EPB41: variants seen among roughly 807,000 people sequenced by gnomAD.
EPB41 encodes protein 4.1.
In EPB41, 65 loss-of-function variants were observed where a neutral mutation model predicts 108.0. That is an observed-to-expected ratio of 0.60 (90% confidence interval 0.49 to 0.74). EPB41 has a LOEUF of 0.74. Among genes scored for constraint, EPB41 ranks in the 30% least tolerant of loss-of-function variants. The pLI, the probability that EPB41 is intolerant of heterozygous loss-of-function variation, is 0.00. For synonymous variants in EPB41, 336 were observed against 358.9 expected (o/e 0.94, Z 0.72); for missense variants, 875 against 1,037.0 (o/e 0.84, Z 2.15).
intron 1 of EPB41, among the ~76,000 whole-genome samples, chr1:28,948,787 A>G (rs914314359): frequency 1.3e-5 from 2 of 151,594 alleles, no homozygotes; most frequent in Non-Finnish European, 2.9e-5. Context: ...TGTCTCTACT[A>G]AAAATACAAA....
At chr1:29,045,719 T>C (rs1466829684) in intron 11 of EPB41, among the ~76,000 whole-genome samples, 1 of 146,988 alleles carries the variant, frequency 6.8e-6, no homozygotes, top group Non-Finnish European at 1.5e-5. Context: ...ATGCCTATAA[T>C]CCCAGTACTT....
intron 1 of EPB41, among the ~76,000 whole-genome samples, chr1:28,972,110 A>G (rs546698737): frequency 1.3e-5 from 2 of 152,202 alleles, no homozygotes; most frequent in Non-Finnish European, 2.9e-5. Flanking sequence ...CTTTGTAGAG[A>G]TAAGGTTTCA....
At chr1:29,107,559 ATTAG>A (rs1314851322) in intron 17 of EPB41, among the ~76,000 whole-genome samples, 2 of 152,030 alleles carry the variant, frequency 1.3e-5, no homozygotes, top group African/African-American at 2.4e-5. Flanking sequence ...TGAAGAAAAT[ATTAG>A]TTAGCGGCTG....
chr1:28,991,121 TA>T (rs1240699309), intron 2 of EPB41, among the ~76,000 whole-genome samples: 4 of 151,192 alleles, frequency 2.6e-5, no homozygotes, highest in Admixed American at 6.6e-5. Flanking sequence ...AATAGGATTT[TA>T]TTTAAATGGT....
intron 10 of EPB41, among the ~76,000 whole-genome samples, chr1:29,036,404 C>T (rs1186634866): frequency 6.6e-6 from 1 of 150,882 alleles, no homozygotes; most frequent in Non-Finnish European, 1.5e-5. Flanking sequence ...GGATTACAGG[C>T]ACCCGCCATC....
chr1:29,093,853 C>T (rs1396035322), intron 16 of EPB41, among the ~76,000 whole-genome samples: 1 of 152,134 alleles, frequency 6.6e-6, no homozygotes, highest in Non-Finnish European at 1.5e-5. Flanking sequence ...TGCAGTGAGC[C>T]AAGATCACAC....
At chr1:28,919,184 A>C (rs2092896573) in intron 1 of EPB41, among the ~76,000 whole-genome samples, 1 of 152,224 alleles carries the variant, frequency 6.6e-6, no homozygotes, top group African/African-American at 2.4e-5. Context: ...TTATGATGAA[A>C]GTCTGTTTAT....
chr1:29,111,356 T>C (rs1669084128), intron 18 of EPB41, among the ~76,000 whole-genome samples: 1 of 151,842 alleles, frequency 6.6e-6, no homozygotes, highest in Admixed American at 6.6e-5. Flanking sequence ...TTTAGCTTAA[T>C]AAAGATTTTA....
intron 16 of EPB41, among the ~76,000 whole-genome samples, chr1:29,085,539 A>T (rs1658479965): frequency 6.6e-6 from 1 of 152,126 alleles, no homozygotes; most frequent in Non-Finnish European, 1.5e-5. Context: ...TTAAATTTGA[A>T]GTATTTCTTT....
chr1:29,053,269 A>T lies in EPB41; in HGVS notation c.1802A>T (p.Glu601Val), dbSNP rs1644823721. 2 of 1,614,086 alleles carry T rather than the reference A, an allele frequency of 1.2e-6. No individual in the cohort carries two copies. The highest frequency in any genetic ancestry group is 1.7e-5 in the Admixed American group (1 of 59,994). ...TVKAEVKKED[E>V]PPEQAEPEPT... is the part of the protein sequence containing the mutation. ...AAGGCTGAAGTGAAAAAGGAAGACG[A>T]GCCACCTGAGCAAGCTGAGCCAGAG... Residue 601 changes from glutamate to valine, a missense_variant, in exon 12 of 21, where the codon GAG becomes GTG. Physicochemically the swap from Glu to Val is moderately radical, Grantham distance 121. Around this residue, in one of 3 missense-constraint regions of EPB41, gnomAD observed 519 missense variants for 627.3 expected, o/e 0.83. Transcript: ENST00000343067.
At chr1:29,026,936 A>G (rs1263935160) in intron 7 of EPB41, among the ~76,000 whole-genome samples, 1 of 152,058 alleles carries the variant, frequency 6.6e-6, no homozygotes, top group Non-Finnish European at 1.5e-5. Context: ...TACTAAAAAT[A>G]CAAAAATTAG....
intron 12 of EPB41, chr1:29,054,005 T>C (rs1177865426): frequency 6.6e-6 from 1 of 152,296 alleles, no homozygotes; most frequent in Non-Finnish European, 1.5e-5. Flanking sequence ...TAAAATTTTA[T>C]TTTCTAAGAT....
intron 2 of EPB41, 106 bp from the exon 3 acceptor site, chr1:28,993,223 TG>T: frequency 1.1e-6 from 1 of 876,144 alleles, no homozygotes; most frequent in South Asian, 1.4e-5. Context: ...CACCTATATT[TG>T]TTTTAGTTCA....
intron 1 of EPB41, among the ~76,000 whole-genome samples, chr1:28,908,184 C>T (rs1252161086): frequency 2.0e-5 from 3 of 151,748 alleles, no homozygotes; most frequent in Admixed American, 6.6e-5. Context: ...GGCAGATCAC[C>T]TGAGGTCAGG....
intron 1 of EPB41, among the ~76,000 whole-genome samples, chr1:28,932,637 A>G (rs995892732): frequency 6.6e-6 from 1 of 151,980 alleles, no homozygotes; most frequent in African/African-American, 2.4e-5. Context: ...TTTAGACTAG[A>G]TATTCTTGTT....
intron 17 of EPB41, among the ~76,000 whole-genome samples, chr1:29,099,562 A>C (rs1425998473): frequency 6.6e-6 from 1 of 152,154 alleles, no homozygotes; most frequent in Non-Finnish European, 1.5e-5. Context: ...AGAGGATCCA[A>C]CTGTCTTGAC....
chr1:29,117,142 A>C lies in EPB41; in HGVS notation c.*330A>C, dbSNP rs1671152535. 6.6e-6 allele frequency: 1 copy of C among 152,168 alleles called. No individual in the cohort carries two copies. The highest frequency in any genetic ancestry group is 6.5e-5 in the Admixed American group (1 of 15,274). 9.4% of individuals were successfully genotyped at this position (152,168 alleles called of 1,614,324 possible). A position where few individuals can be genotyped will look rare whatever the true frequency, so the allele number is the denominator to read the frequency against. ...TCTCTGCCCATTTATTTCCAACCCC[A>C]ACAGACACTGACAGGGTCCATGGAA... On this transcript the variant is annotated 3_prime_UTR_variant, in exon 21 of 21. Transcript: ENST00000343067.
At chr1:28,950,994 C>T (rs2094697760) in intron 1 of EPB41, among the ~76,000 whole-genome samples, 1 of 152,096 alleles carries the variant, frequency 6.6e-6, no homozygotes, top group African/African-American at 2.4e-5. Context: ...TGCCACTACG[C>T]CTGGCTAATT....
At chr1:28,979,010 CATGTATCTAT>C (rs2149405092) in intron 1 of EPB41, among the ~76,000 whole-genome samples, 1 of 151,496 alleles carries the variant, frequency 6.6e-6, no homozygotes, top group East Asian at 1.9e-4. Context: ...AATCCTCTGT[CATGTATCTAT>C]ATACATATCC....
Sources: gnomAD v4.1 joint callset for allele counts (sites outside exome capture counted in the v4.1 genomes callset) on GRCh38, gnomAD v4.1.1 for gene constraint, gnomAD v4.1.1 regional missense constraint, MANE v1.5 for transcripts, NCBI Gene and HGNC (gene_info 2026-07-23, HGNC 2026-07-21) for gene names.